Variants in LMO3 observed in about 807,000 individuals in gnomAD.
LMO3 encodes LIM domain only protein 3.
LMO3 carries 2 observed loss-of-function variants against 15.8 expected under a neutral mutation model. The ratio of observed to expected loss-of-function variants is 0.13; its 90% CI spans 0.05 to 0.40. LMO3 has a LOEUF of 0.40. Ranked by LOEUF, LMO3 falls within the 10% of genes least tolerant of loss-of-function variation. The pLI, the probability that LMO3 is intolerant of heterozygous loss-of-function variation, is 0.99. For synonymous variants in LMO3, 62 were observed against 63.8 expected, an observed-to-expected ratio of 0.97 and a Z score of 0.13; for missense variants, 86 against 182.2, an observed-to-expected ratio of 0.47 and a Z score of 3.04.
rs191909564 is a variant in LMO3 at position 16,576,611 on chromosome 12, A to G, written c.207-16073T>C. Among the ~76,000 whole-genome samples, 3 of 152,300 alleles carry G rather than the reference A, an allele frequency of 2.0e-5. No individual in the cohort carries two copies. Among genetic ancestry groups the G allele is most frequent in the Admixed American group, 1.3e-4 (2 of 15,300 alleles). On this transcript the variant is annotated intron_variant, in intron 2 of 3. Transcript: ENST00000537304. The surrounding 1 kb of genome is among the most constrained non-coding windows in gnomAD (Gnocchi z 4.1). ...TACCTGTTTGTCTCTTTCTCACTAC[A>G]TAATAAGCTCCCTGAAAACTTGCCT...
intron 2 of LMO3, among the ~76,000 whole-genome samples, chr12:16,563,296 C>T (rs967505927): frequency 2.6e-5 from 4 of 152,180 alleles, no homozygotes; most frequent in Admixed American, 2.6e-4. Context: ...TCTATAGCTA[C>T]ATTCGAGTTC....
At chr12:16,571,047 A>T (rs899899072) in intron 2 of LMO3, among the ~76,000 whole-genome samples, 18 of 152,100 alleles carry the variant, frequency 1.2e-4, no homozygotes, top group Admixed American at 2.0e-4. Flanking sequence ...AATAAATTTT[A>T]AAAAAATCTA....
At chr12:16,578,633 C>T (rs912921453) in intron 2 of LMO3, among the ~76,000 whole-genome samples, 2 of 152,106 alleles carry the variant, frequency 1.3e-5, no homozygotes, top group Non-Finnish European at 2.9e-5. Flanking sequence ...GCTTGGCCAA[C>T]ATGGTGAAGC....
At chr12:16,554,921 CAAAGTGCTGGGATTACCGGCATTA>C (rs1942137227) in intron 3 of LMO3, among the ~76,000 whole-genome samples, 1 of 152,182 alleles carries the variant, frequency 6.6e-6, no homozygotes, top group South Asian at 2.1e-4. Flanking sequence ...CTCGGCCTCC[CAAAGTGCTGGGATTACCGGCATTA>C]GCCACCGCGC....
chr12:16,606,013 G>A (rs756365884), intron 1 of LMO3, 53 bp downstream of exon 1: 4 of 607,510 alleles, frequency 6.6e-6, no homozygotes, highest in East Asian at 2.8e-5. Context: ...CGCACCCGCA[G>A]ACACACACAC....
At chr12:16,561,919 G>T (rs1219452978) in intron 2 of LMO3, among the ~76,000 whole-genome samples, 2 of 152,102 alleles carry the variant, frequency 1.3e-5, no homozygotes, top group African/African-American at 4.8e-5. Context: ...TAAAAAGTAA[G>T]CGAAGTTTAC....
At chr12:16,564,944 C>T (rs991992643) in intron 2 of LMO3, among the ~76,000 whole-genome samples, 2 of 152,026 alleles carry the variant, frequency 1.3e-5, no homozygotes, top group Non-Finnish European at 2.9e-5. Flanking sequence ...TATCAACAGA[C>T]TTGGCTAATT....
At chr12:16,583,672 A>T (rs562072378) in intron 2 of LMO3, among the ~76,000 whole-genome samples, 2 of 152,322 alleles carry the variant, frequency 1.3e-5, no homozygotes, top group East Asian at 3.9e-4. Context: ...TCTGTATGTT[A>T]TTTGCTTGTT....
At position 16,559,837 on chromosome 12, in the gene LMO3, C is replaced by T. The variant is rs182046291; in HGVS notation, c.332+576G>A. 5.3e-5 allele frequency among the ~76,000 whole-genome samples: 8 copies of T among 151,544 alleles called. No individual in the cohort carries two copies. The highest frequency in any genetic ancestry group is 5.3e-4 in the Admixed American group (8 of 15,194). On this transcript the variant is annotated intron_variant, in intron 3 of 3. Coordinates refer to ENST00000537304, the MANE Select transcript of LMO3 (RefSeq NM_018640.5). The surrounding 1 kb of genome is among the most constrained non-coding windows in gnomAD (Gnocchi z 4.1). ...ATTAGCCAGGCATGGGAGTGCACAC[C>T]TGTACTCCCAGCTACTCGGGAGGCT...
intron 3 of LMO3, among the ~76,000 whole-genome samples, chr12:16,558,073 A>G (rs926608479): frequency 6.6e-6 from 1 of 152,060 alleles, no homozygotes; most frequent in Non-Finnish European, 1.5e-5. Flanking sequence ...ATCTTAAAAG[A>G]ATTTTTAATG....
chr12:16,590,095 A>G (rs1763542867), intron 2 of LMO3, among the ~76,000 whole-genome samples: 1 of 152,122 alleles, frequency 6.6e-6, no homozygotes, highest in African/African-American at 2.4e-5. Flanking sequence ...TGCAAGCTCG[A>G]GAACTTTGAT....
At position 16,604,152 on chromosome 12, in the gene LMO3, T is replaced by C. The variant is rs764938521; in HGVS notation, c.-9+1914A>G. ...TTTTCTCTCCTCCTGCCCATCTTCA[T>C]CCTCTTCCCAGCCCCCAACCCAGGT... On this transcript the variant is annotated intron_variant, in intron 1 of 3. Transcript: ENST00000537304. The surrounding 1 kb of genome is among the most constrained non-coding windows in gnomAD (Gnocchi z 5.3). Among the ~76,000 whole-genome samples, 10 of 152,186 alleles carry C rather than the reference T, an allele frequency of 6.6e-5. No individual in the cohort carries two copies. The highest frequency in any genetic ancestry group is 1.5e-4 in the Non-Finnish European group (10 of 68,040).
intron 2 of LMO3, among the ~76,000 whole-genome samples, chr12:16,568,868 C>G (rs1942710783): frequency 6.6e-6 from 1 of 152,056 alleles, no homozygotes; most frequent in Non-Finnish European, 1.5e-5. Context: ...CCAAAATTTT[C>G]TAACTGAAAT....
At chr12:16,600,926 C>G (rs2137703694) in intron 1 of LMO3, 58 bp from the exon 2 acceptor site, 1 of 1,214,466 alleles carries the variant, frequency 8.2e-7, no homozygotes, top group East Asian at 2.3e-5. Context: ...ATAAAAAGAC[C>G]TCAAACAAGT....
In LMO3 at chr12:16,548,749, G is replaced by A. The variant is rs1941879491; in HGVS notation, c.*2473C>T. 6.6e-6 allele frequency: 1 copy of A among 152,108 alleles called. No homozygotes were observed. Among genetic ancestry groups the A allele is most frequent in the African/African-American group, 2.4e-5 (1 of 41,430 alleles). 9.4% of individuals were successfully genotyped at this position (152,108 alleles called of 1,614,324 possible). A position where few individuals can be genotyped will look rare whatever the true frequency, so the allele number is the denominator to read the frequency against. On this transcript the variant is annotated 3_prime_UTR_variant, in exon 4 of 4. Coordinates refer to ENST00000537304, the MANE Select transcript of LMO3 (RefSeq NM_018640.5). This position sits in a 1 kb window ranked among gnomAD's most constrained non-coding sequence, Gnocchi z 4.2. Reference sequence around the variant, plus strand: ...GGTCAATAAATGCTACAATTTATGGGCAATTAGCTGTAAAATGGCCTACAG... The same window carrying A: ...GGTCAATAAATGCTACAATTTATGGACAATTAGCTGTAAAATGGCCTACAG...
chr12:16,557,468 C>G (rs1942235119), intron 3 of LMO3, among the ~76,000 whole-genome samples: 1 of 150,378 alleles, frequency 6.6e-6, no homozygotes, highest in Non-Finnish European at 1.5e-5. Context: ...ATTGGTATAA[C>G]TTTCCTGGAG....
At chr12:16,605,157 A>T in intron 1 of LMO3, 1 of 1,390,836 alleles carries the variant, frequency 7.2e-7, no homozygotes, top group Non-Finnish European at 9.3e-7. Context: ...TGACAAAGCC[A>T]CATGCTTCCC....
intron 2 of LMO3, among the ~76,000 whole-genome samples, chr12:16,577,567 A>G (rs1254058482): frequency 6.6e-6 from 1 of 151,952 alleles, no homozygotes; most frequent in Non-Finnish European, 1.5e-5. Flanking sequence ...TATATAATAA[A>G]ACAAATAAGA....
chr12:16,552,608 TG>T (rs1368384820), intron 3 of LMO3, among the ~76,000 whole-genome samples: 2 of 152,090 alleles, frequency 1.3e-5, no homozygotes, highest in African/African-American at 4.8e-5. Flanking sequence ...AAAAGTAGAC[TG>T]AAAAGAATTA....
Sources: gnomAD v4.1 joint callset for allele counts (sites outside exome capture counted in the v4.1 genomes callset) on GRCh38, gnomAD v4.1.1 for gene constraint, Gnocchi (gnomAD v3.1) non-coding constraint, MANE v1.5 for transcripts, NCBI Gene and HGNC (gene_info 2026-07-23, HGNC 2026-07-21) for gene names.